Variants in TGFB2 observed in about 807,000 individuals in gnomAD.
TGFB2 encodes transforming growth factor beta 2.
Under a neutral mutation model 42.7 loss-of-function variants are expected in TGFB2, and 13 were observed. The ratio of observed to expected loss-of-function variants is 0.30; its 90% confidence interval spans 0.20 to 0.48. The LOEUF (loss-of-function observed/expected upper bound fraction) is 0.48. Among genes scored for constraint, TGFB2 ranks in the 20% least tolerant of loss-of-function variants. The pLI is 0.99. For missense variants in TGFB2, 390 were observed against 517.5 expected (o/e 0.75, Z 2.39); for synonymous variants, 193 against 193.6 (o/e 1.00, Z 0.03).
At chr1:218,361,342 GT>G (rs1456038353) in intron 1 of TGFB2, among the ~76,000 whole-genome samples, 1 of 152,220 alleles carries the variant, frequency 6.6e-6, no homozygotes, top group Non-Finnish European at 1.5e-5. Flanking sequence ...TTTTAATGCT[GT>G]TTTATAGCAG....
chr1:218,402,025 C>T (rs942852842), intron 1 of TGFB2, among the ~76,000 whole-genome samples: 1 of 152,332 alleles, frequency 6.6e-6, no homozygotes, highest in South Asian at 2.1e-4. Flanking sequence ...CAGATGACAG[C>T]ACAGGACAGC....
intron 1 of TGFB2, among the ~76,000 whole-genome samples, chr1:218,360,655 T>C (rs1417286685): frequency 1.3e-5 from 2 of 152,052 alleles, no homozygotes; most frequent in African/African-American, 4.8e-5. Context: ...TGCACATGTA[T>C]CCCGGAACTT....
intron 1 of TGFB2, among the ~76,000 whole-genome samples, chr1:218,385,432 T>C (rs1480502971): frequency 6.6e-6 from 1 of 152,202 alleles, no homozygotes; most frequent in African/African-American, 2.4e-5. Flanking sequence ...GCACAGAGGT[T>C]TTGGGCCTTC....
intron 1 of TGFB2, among the ~76,000 whole-genome samples, chr1:218,379,734 G>A (rs923632774): frequency 1.2e-4 from 19 of 152,140 alleles, no homozygotes; most frequent in African/African-American, 4.3e-4. Context: ...TTCAATCGGG[G>A]TAGACCAAAG....
intron 1 of TGFB2, among the ~76,000 whole-genome samples, chr1:218,365,461 T>C (rs992412001): frequency 2.6e-5 from 4 of 152,092 alleles, no homozygotes; most frequent in Admixed American, 6.5e-5. Context: ...TGAAAAAGCA[T>C]TGGAAACCCA....
chr1:218,373,654 C>G (rs1408682733), intron 1 of TGFB2, among the ~76,000 whole-genome samples: 1 of 151,726 alleles, frequency 6.6e-6, no homozygotes, highest in African/African-American at 2.4e-5. Flanking sequence ...GATCACACAG[C>G]TGTCTGACTC....
At chr1:218,407,179 C>T (rs2102597149) in intron 2 of TGFB2, among the ~76,000 whole-genome samples, 1 of 152,178 alleles carries the variant, frequency 6.6e-6, no homozygotes, top group South Asian at 2.1e-4. Flanking sequence ...CTCACTGCAC[C>T]CTCAACTTCC....
At chr1:218,431,816 A>G (rs1261890071) in intron 2 of TGFB2, among the ~76,000 whole-genome samples, 2 of 152,300 alleles carry the variant, frequency 1.3e-5, no homozygotes, top group East Asian at 1.9e-4. Flanking sequence ...TTCCTGTTCC[A>G]TAGTAGGTTA....
rs922878902 is a variant in TGFB2 at position 218,442,552 on chromosome 1, A to G, written c.*1190A>G. 1 of 152,110 alleles carries G rather than the reference A, an allele frequency of 6.6e-6. No homozygotes were observed. The allele number at this position is 152,110 out of a possible 1,614,324, so 9.4% of individuals were successfully genotyped here. A position where few individuals can be genotyped will look rare whatever the true frequency, so the allele number is the denominator to read the frequency against. ...TTTAGCTGGCCAGTACTTTTGAGTAAAGCCCCTATAGTTTGACTTGCACTA... is the reference window on the plus strand; with the variant it reads ...TTTAGCTGGCCAGTACTTTTGAGTAGAGCCCCTATAGTTTGACTTGCACTA... On this transcript the variant is annotated 3_prime_UTR_variant, in exon 7 of 7. Transcript: ENST00000366930.
At position 218,442,465 on chromosome 1, in the gene TGFB2, T is replaced by C. The variant is rs796089981; in HGVS notation, c.*1103T>C. ...TTTTATATTCTGTAATAATGTCAAC[T>C]ATGATTTAGATTGACTTAAATTTGG... On this transcript the variant is annotated 3_prime_UTR_variant, in exon 7 of 7. Transcript: ENST00000366930. 34 of 152,302 alleles carry C rather than the reference T, an allele frequency of 2.2e-4. No individual in the cohort carries two copies. The highest frequency in any genetic ancestry group is 7.2e-4 in the African/African-American group (30 of 41,590). 9.4% of individuals were successfully genotyped at this position (152,302 alleles called of 1,614,324 possible).
intron 1 of TGFB2, among the ~76,000 whole-genome samples, chr1:218,380,206 A>G (rs1179916207): frequency 6.6e-6 from 1 of 152,184 alleles, no homozygotes; most frequent in Non-Finnish European, 1.5e-5. Flanking sequence ...GTGACCAATC[A>G]TGTGTCCCTA....
intron 2 of TGFB2, among the ~76,000 whole-genome samples, chr1:218,419,408 C>T (rs180947071): frequency 9.2e-5 from 14 of 152,278 alleles, no homozygotes; most frequent in East Asian, 1.9e-4. Flanking sequence ...ATCTCAGAGT[C>T]GCTTTTCCCA....
At chr1:218,372,050 G>A (rs538359534) in intron 1 of TGFB2, among the ~76,000 whole-genome samples, 16 of 152,232 alleles carry the variant, frequency 1.1e-4, no homozygotes, top group African/African-American at 3.1e-4. Context: ...GAGCGTGCTA[G>A]GTAGCTCAGG....
intron 1 of TGFB2, chr1:218,363,404 C>A (rs1657282347): frequency 6.2e-7 from 1 of 1,613,784 alleles, no homozygotes; most frequent in African/African-American, 1.3e-5. Flanking sequence ...CCCAGGTGCT[C>A]TGTGGGTACC....
intron 2 of TGFB2, among the ~76,000 whole-genome samples, chr1:218,418,748 A>AATAAGTCTCATGATATCATG (rs1201640385): frequency 6.6e-6 from 1 of 152,094 alleles, no homozygotes; most frequent in African/African-American, 2.4e-5. Flanking sequence ...CGTAATCGTG[A>AATAAGTCTCATGATATCATG]ATAAGTCTCA....
chr1:218,359,174 G>A (rs1657134225), intron 1 of TGFB2, among the ~76,000 whole-genome samples: 1 of 152,176 alleles, frequency 6.6e-6, no homozygotes, highest in Non-Finnish European at 1.5e-5. Context: ...CTCAGGCTCT[G>A]AAGCAGGAGG....
chr1:218,378,111 G>T (rs1025222589), intron 1 of TGFB2, among the ~76,000 whole-genome samples: 5 of 151,950 alleles, frequency 3.3e-5, no homozygotes, highest in African/African-American at 1.2e-4. Flanking sequence ...GAGTAGCTGG[G>T]ATTACAGGCC....
At chr1:218,402,637 G>T (rs1658764502) in intron 1 of TGFB2, among the ~76,000 whole-genome samples, 1 of 152,226 alleles carries the variant, frequency 6.6e-6, no homozygotes, top group Non-Finnish European at 1.5e-5. Flanking sequence ...ATAAGATTGA[G>T]GCAGGCGTGT....
At chr1:218,347,816 C>T (rs925853831) in intron 1 of TGFB2, among the ~76,000 whole-genome samples, 1 of 152,178 alleles carries the variant, frequency 6.6e-6, no homozygotes, top group African/African-American at 2.4e-5. Context: ...GCCTTCTTCA[C>T]ATCTCCAGTG....
Sources: gnomAD v4.1 joint callset for allele counts (sites outside exome capture counted in the v4.1 genomes callset) on GRCh38, gnomAD v4.1.1 for gene constraint, MANE v1.5 for transcripts, NCBI Gene and HGNC (gene_info 2026-07-23, HGNC 2026-07-21) for gene names.